SLC4A4: variants seen among roughly 807,000 people sequenced by gnomAD.
The protein encoded by SLC4A4 is solute carrier family 4 member 4, also known as electrogenic sodium bicarbonate cotransporter 1.
Under a neutral mutation model 111.5 loss-of-function variants are expected in SLC4A4, and 27 were observed. That is an observed-to-expected ratio of 0.24 (90% confidence interval 0.18 to 0.33). SLC4A4 has a LOEUF of 0.33. Among genes scored for constraint, SLC4A4 ranks in the 10% least tolerant of loss-of-function variants. The probability of loss-of-function intolerance (pLI) is 1.00; values close to 1 mark genes in which losing one functional copy is unlikely to be tolerated. For synonymous variants in SLC4A4, 443 were observed against 463.4 expected, an observed-to-expected ratio of 0.96 and a Z score of 0.57; for missense variants, 909 against 1,315.5, an observed-to-expected ratio of 0.69 and a Z score of 4.78.
intron 14 of SLC4A4, among the ~76,000 whole-genome samples, chr4:71,485,897 A>T (rs1281222002): frequency 6.6e-6 from 1 of 151,524 alleles, no homozygotes; most frequent in Non-Finnish European, 1.5e-5. Flanking sequence ...AGTGAATGAG[A>T]TAAGCTTCTT....
intron 8 of SLC4A4, among the ~76,000 whole-genome samples, chr4:71,443,116 C>CTCTCTCTCTCTCTATATA (rs1198759861): frequency 1.2e-4 from 8 of 65,658 alleles, no homozygotes; most frequent in African/African-American, 5.2e-4. Context: ...CTCTCTCTCT[C>CTCTCTCTCTCTCTATATA]TATATATATA....
intron 24 of SLC4A4, among the ~76,000 whole-genome samples, chr4:71,564,388 A>G (rs1737280176): frequency 6.6e-6 from 1 of 151,894 alleles, no homozygotes; most frequent in African/African-American, 2.4e-5. Context: ...TATTAGTACA[A>G]CTTTCTAGAT....
chr4:71,298,009 T>G (rs1724945463), intron 3 of SLC4A4, among the ~76,000 whole-genome samples: 1 of 152,244 alleles, frequency 6.6e-6, no homozygotes. Context: ...CTTCTGCCAC[T>G]TAATAGTACT....
At chr4:71,522,342 A>T (rs572800801) in intron 16 of SLC4A4, among the ~76,000 whole-genome samples, 2 of 152,220 alleles carry the variant, frequency 1.3e-5, no homozygotes, top group Non-Finnish European at 2.9e-5. Flanking sequence ...GTTCTTCCAG[A>T]GTCCTACACC....
intron 1 of SLC4A4, among the ~76,000 whole-genome samples, chr4:71,227,733 T>A (rs554091700): frequency 1.4e-4 from 22 of 152,250 alleles, no homozygotes; most frequent in African/African-American, 5.1e-4. Flanking sequence ...TGCTGGTGTG[T>A]CATATGGAGG....
intron 16 of SLC4A4, among the ~76,000 whole-genome samples, chr4:71,499,487 A>G (rs1269169685): frequency 6.6e-6 from 1 of 152,164 alleles, no homozygotes; most frequent in African/African-American, 2.4e-5. Context: ...TAAAATATAC[A>G]ACACATTATT....
chr4:71,473,146 T>C (rs1382735720), intron 14 of SLC4A4, 176 bp downstream of exon 14: 1 of 754,914 alleles, frequency 1.3e-6, no homozygotes, highest in Non-Finnish European at 2.3e-6. Context: ...TTTAGCTGTA[T>C]GATTCAACCA....
intron 2 of SLC4A4, among the ~76,000 whole-genome samples, chr4:71,238,291 G>C (rs569871933): frequency 6.6e-6 from 1 of 152,296 alleles, no homozygotes; most frequent in Non-Finnish European, 1.5e-5. Flanking sequence ...ACTGAAATAG[G>C]ATATTGTATA....
intron 16 of SLC4A4, among the ~76,000 whole-genome samples, chr4:71,516,123 T>C (rs1732371627): frequency 8.8e-6 from 1 of 113,362 alleles, no homozygotes; most frequent in Admixed American, 1.2e-4. Flanking sequence ...TGAGATGGAG[T>C]CTCGCTCTGT....
intron 2 of SLC4A4, among the ~76,000 whole-genome samples, chr4:71,160,751 A>G (rs1744597536): frequency 1.3e-5 from 2 of 152,100 alleles, no homozygotes; most frequent in Admixed American, 1.3e-4. Context: ...TTGACTAAAA[A>G]TATCCCCACC....
intron 2 of SLC4A4, among the ~76,000 whole-genome samples, chr4:71,119,390 CT>C (rs1046128486): frequency 2.6e-5 from 4 of 151,524 alleles, no homozygotes; most frequent in Admixed American, 1.3e-4. Flanking sequence ...TTTCTTTTTC[CT>C]TTTTTTTAGT....
chr4:71,333,963 G>C (rs899989447), intron 3 of SLC4A4, among the ~76,000 whole-genome samples: 1 of 152,088 alleles, frequency 6.6e-6, no homozygotes, highest in Non-Finnish European at 1.5e-5. Context: ...TAAGAGCGAA[G>C]GCCTGGAATT....
chr4:71,470,374 T>A (rs1230053729), intron 13 of SLC4A4, among the ~76,000 whole-genome samples: 1 of 152,034 alleles, frequency 6.6e-6, no homozygotes, highest in Admixed American at 6.6e-5. Flanking sequence ...TCAATTTGCA[T>A]GATTAGATAA....
At chr4:71,225,347 G>A (rs554970652) in intron 1 of SLC4A4, among the ~76,000 whole-genome samples, 45 of 149,544 alleles carry the variant, frequency 3.0e-4, no homozygotes, top group African/African-American at 9.9e-4. Context: ...ACAAGACTCC[G>A]TTTAAAAAAA....
At chr4:71,209,249 GTGGCA>G (rs1717981207) in intron 1 of SLC4A4, among the ~76,000 whole-genome samples, 1 of 152,152 alleles carries the variant, frequency 6.6e-6, no homozygotes, top group African/African-American at 2.4e-5. Flanking sequence ...GAAATGAACA[GTGGCA>G]TTTTTATTTC....
chr4:71,472,562 T>C, intron 13 of SLC4A4, 137 bp from the exon 14 acceptor site: 1 of 835,854 alleles, frequency 1.2e-6, no homozygotes, highest in Non-Finnish European at 1.9e-6. Context: ...GCTTTCTGGC[T>C]AAAGTAGAGT....
chr4:71,115,058 T>C (rs999653215), intron 2 of SLC4A4, among the ~76,000 whole-genome samples: 2 of 146,346 alleles, frequency 1.4e-5, no homozygotes, highest in African/African-American at 5.1e-5. Flanking sequence ...AAACTGGAAA[T>C]CATCATTCTC....
intron 6 of SLC4A4, among the ~76,000 whole-genome samples, chr4:71,364,664 TA>T (rs1216126900): frequency 6.6e-6 from 1 of 152,172 alleles, no homozygotes; most frequent in South Asian, 2.1e-4. Context: ...TTAATCACTT[TA>T]CAAAGGCTTC....
intron 2 of SLC4A4, among the ~76,000 whole-genome samples, chr4:71,113,605 T>C (rs1280847050): frequency 6.6e-6 from 1 of 152,184 alleles, no homozygotes; most frequent in Admixed American, 6.5e-5. Context: ...CCATCCTTAA[T>C]TGCGGTGGTC....
Sources: gnomAD v4.1 joint callset for allele counts (sites outside exome capture counted in the v4.1 genomes callset) on GRCh38, gnomAD v4.1.1 for gene constraint, MANE v1.5 for transcripts, NCBI Gene and HGNC (gene_info 2026-07-23, HGNC 2026-07-21) for gene names.